The following SEPTIN10 variants were observed in gnomAD, a reference collection of about 807,000 sequenced individuals.
SEPTIN10 encodes the protein septin 10.
Under a neutral mutation model 54.8 loss-of-function variants are expected in SEPTIN10, and 66 were observed. The observed-to-expected ratio is 1.21, with a 90% confidence interval of 0.99 to 1.48. The LOEUF (loss-of-function observed/expected upper bound fraction) is 1.48, where lower values mean the gene tolerates loss of function less well. SEPTIN10 is among the 40% of genes most tolerant of loss of function. The pLI, the probability that SEPTIN10 is intolerant of heterozygous loss-of-function variation, is 0.00. For missense variants in SEPTIN10, 620 were observed against 545.6 expected, an observed-to-expected ratio of 1.14 and a Z score of -1.36; for synonymous variants, 161 against 181.0, an observed-to-expected ratio of 0.89 and a Z score of 0.89.
chr2:109,584,139 G>A (rs561753026), intron 4 of SEPTIN10, among the ~76,000 whole-genome samples: 4 of 152,094 alleles, frequency 2.6e-5, no homozygotes, highest in East Asian at 1.9e-4. Flanking sequence ...AAATCTAAAC[G>A]AAAAATTGAA....
At chr2:109,598,718 C>T (rs1695878568) in intron 1 of SEPTIN10, among the ~76,000 whole-genome samples, 1 of 151,752 alleles carries the variant, frequency 6.6e-6, no homozygotes, top group Non-Finnish European at 1.5e-5. Context: ...CAGTGCATGC[C>T]TGTAATCCCA....
chr2:109,563,098 A>T (rs1473328571), intron 8 of SEPTIN10, among the ~76,000 whole-genome samples: 1 of 152,106 alleles, frequency 6.6e-6, no homozygotes, highest in African/African-American at 2.4e-5. Flanking sequence ...TTTAGTAAAG[A>T]CGGGGTTTCA....
intron 9 of SEPTIN10, chr2:109,552,764 C>T (rs1683307875): frequency 4.6e-6 from 1 of 217,716 alleles, no homozygotes; most frequent in Admixed American, 5.8e-5. Flanking sequence ...AAATTGTATA[C>T]CGTGGATTCA....
intron 1 of SEPTIN10, among the ~76,000 whole-genome samples, chr2:109,610,802 G>A (rs1025347804): frequency 1.3e-5 from 2 of 152,126 alleles, no homozygotes; most frequent in Non-Finnish European, 2.9e-5. Flanking sequence ...TCCCTAAATC[G>A]ATATAAACAT....
intron 1 of SEPTIN10, among the ~76,000 whole-genome samples, chr2:109,596,472 C>T (rs1695337622): frequency 6.6e-6 from 1 of 151,954 alleles, no homozygotes; most frequent in East Asian, 1.9e-4. Context: ...AAAAAATTAG[C>T]CGAGCGTGCT....
At chr2:109,554,699 T>C (rs1292010914) in intron 8 of SEPTIN10, among the ~76,000 whole-genome samples, 1 of 152,182 alleles carries the variant, frequency 6.6e-6, no homozygotes, top group Non-Finnish European at 1.5e-5. Flanking sequence ...AAAATGACAT[T>C]GAACAAAACA....
At chr2:109,564,633 A>G (rs1686530314) in intron 7 of SEPTIN10, 99 bp from the exon 8 acceptor site, 1 of 1,050,278 alleles carries the variant, frequency 9.5e-7, no homozygotes, top group African/African-American at 1.6e-5. Flanking sequence ...AACATGTGAA[A>G]CAACAAATAG....
At chr2:109,572,590 C>A (rs1471551141) in intron 5 of SEPTIN10, among the ~76,000 whole-genome samples, 2 of 148,160 alleles carry the variant, frequency 1.3e-5, no homozygotes, top group Non-Finnish European at 3.0e-5. Context: ...AGGTAGACTT[C>A]AGCTAACTTT....
At chr2:109,569,024 A>T (rs1308775418) in intron 5 of SEPTIN10, among the ~76,000 whole-genome samples, 1 of 152,214 alleles carries the variant, frequency 6.6e-6, no homozygotes, top group Non-Finnish European at 1.5e-5. Context: ...TAGCTCCACA[A>T]ATTTGTGACT....
At chr2:109,610,095 GT>G (rs554268137) in intron 1 of SEPTIN10, among the ~76,000 whole-genome samples, 130 of 143,222 alleles carry the variant, frequency 9.1e-4, no homozygotes, top group Non-Finnish European at 9.2e-4. Flanking sequence ...TCCCTGAGGT[GT>G]TTTTTTTTTT....
At chr2:109,584,054 G>A (rs930666033) in intron 4 of SEPTIN10, among the ~76,000 whole-genome samples, 1 of 152,000 alleles carries the variant, frequency 6.6e-6, no homozygotes, top group Non-Finnish European at 1.5e-5. Flanking sequence ...TCACTACCTG[G>A]GTAATTGGAT....
rs117104516 is a variant in SEPTIN10, at chr2:109,544,968, A to T, written c.1350-644T>A. On this transcript the variant is annotated intron_variant, in intron 10 of 10. Coordinates refer to ENST00000397712, the MANE Select transcript of SEPTIN10 (RefSeq NM_144710.5). The stretch of plus-strand genomic sequence containing the variant: ...AAACAAAAATACCTGTAAAATATAT[A>T]AGCCAATAAAATCTGCCAAAGTCCT... The T allele has an allele frequency of 5.3e-5, 52 of 985,334 alleles. 1 individual carries two copies. The East Asian group carries it at 4.5e-3, about 86-fold the overall frequency. 61.0% of individuals were successfully genotyped at this position (985,334 alleles called of 1,614,324 possible).
intron 1 of SEPTIN10, among the ~76,000 whole-genome samples, chr2:109,598,298 C>G (rs933030858): frequency 6.6e-6 from 1 of 152,002 alleles, no homozygotes; most frequent in Non-Finnish European, 1.5e-5. Flanking sequence ...GAACTCCCAA[C>G]CTCAGGTGAT....
At chr2:109,589,410 T>C (rs1202643058) in intron 2 of SEPTIN10, among the ~76,000 whole-genome samples, 1 of 152,080 alleles carries the variant, frequency 6.6e-6, no homozygotes, top group Non-Finnish European at 1.5e-5. Context: ...TGCATGCCTG[T>C]AGTCCCAGCT....
At chr2:109,570,585 C>T (rs1370505871) in intron 5 of SEPTIN10, among the ~76,000 whole-genome samples, 4 of 150,916 alleles carry the variant, frequency 2.7e-5, no homozygotes, top group African/African-American at 4.9e-5. Flanking sequence ...AGTGCAGTGG[C>T]GTGATGTTGG....
In SEPTIN10 at chr2:109,551,974, T is replaced by C. The variant is rs1322837643; in HGVS notation, c.1161+1113A>G. On this transcript the variant is annotated intron_variant, in intron 9 of 10. Transcript: ENST00000397712. ...CAGGCCGCGGACCAGTACTGGTCCA[T>C]GGCCTGTTAGGAACTGGGCTACACA... 2.0e-5 allele frequency among the ~76,000 whole-genome samples: 3 copies of C among 152,192 alleles called. No individual in the cohort carries two copies. The East Asian group carries it at 5.8e-4, about 29-fold the overall frequency.
Position 109,565,768 on chromosome 2 carries a change from A to T in SEPTIN10, c.854T>A (p.Val285Glu). The T allele has an allele frequency of 1.9e-6, 3 of 1,613,324 alleles. No homozygotes were observed. The highest frequency in any genetic ancestry group is 2.5e-6 in the Non-Finnish European group (3 of 1,179,326). Residue 285 changes from valine (V) to glutamate (E), a missense_variant, in exon 7 of 11, where the codon GTA becomes GAA. Coordinates refer to ENST00000397712, the MANE Select transcript of SEPTIN10 (RefSeq NM_144710.5). ...VKARQYPWGV[V>E]QVENENHCDF... is the part of the protein sequence containing the mutation. ...TCATCCTTTGTCTCATTTACCTTGT[A>T]CAACACCCCAAGGGTACTGGCGAGC...
At chr2:109,569,333 C>T (rs142866983) in intron 5 of SEPTIN10, among the ~76,000 whole-genome samples, 1 of 150,938 alleles carries the variant, frequency 6.6e-6, no homozygotes, top group Non-Finnish European at 1.5e-5. Context: ...CGGTAGGCTG[C>T]GGCAGAAGAA....
At chr2:109,545,397 C>T (rs1469895107) in intron 10 of SEPTIN10, 51 of 1,535,126 alleles carry the variant, frequency 3.3e-5, no homozygotes, top group Admixed American at 1.8e-4. Flanking sequence ...CAAACCTACA[C>T]GCCTTGCGAT....
Sources: allele counts gnomAD v4.1 joint callset (sites outside exome capture counted in the v4.1 genomes callset), GRCh38; gene constraint gnomAD v4.1.1; transcripts MANE v1.5; gene names NCBI Gene and HGNC (gene_info 2026-07-23, HGNC 2026-07-21).